The following RIMS2 variants were observed in gnomAD, a reference collection of about 807,000 sequenced individuals.
RIMS2 encodes regulating synaptic membrane exocytosis protein 2.
A neutral mutation model predicts 174.4 loss-of-function variants in RIMS2; 59 were observed. The ratio of observed to expected loss-of-function variants is 0.34; its 90% CI spans 0.27 to 0.42. The LOEUF (loss-of-function observed/expected upper bound fraction) is 0.42. Ranked by LOEUF, RIMS2 falls within the 10% of genes least tolerant of loss-of-function variation. The pLI, the probability that RIMS2 is intolerant of heterozygous loss-of-function variation, is 1.00. For missense variants in RIMS2, 1,620 were observed against 1,666.3 expected, an observed-to-expected ratio of 0.97 and a Z score of 0.48; for synonymous variants, 606 against 572.5, an observed-to-expected ratio of 1.06 and a Z score of -0.84.
chr8:104,026,359 A>C (rs2096257352), intron 19 of RIMS2, among the ~76,000 whole-genome samples: 1 of 152,208 alleles, frequency 6.6e-6, no homozygotes, highest in South Asian at 2.1e-4. Flanking sequence ...TAAAGTCTCA[A>C]ATAGTTTTGT....
intron 11 of RIMS2, among the ~76,000 whole-genome samples, chr8:103,930,444 A>G (rs2079684112): frequency 6.6e-6 from 1 of 152,124 alleles, no homozygotes; most frequent in African/African-American, 2.4e-5. Context: ...GATATGGATC[A>G]GAGCCGTAAT....
Position 103,851,965 on chromosome 8 carries a change from T to G in RIMS2, c.699-33333T>G, listed in dbSNP as rs146835925. 3.3e-3 allele frequency among the ~76,000 whole-genome samples: 499 copies of G among 152,108 alleles called. 1 individual carries two copies. The highest frequency in any genetic ancestry group is 0.011 in the African/African-American group (466 of 41,532). ...TGCATGTTTTTGTATCTCTCATGTG[T>G]AGATGCTGCAAATCGTACTCGGGCA... On this transcript the variant is annotated intron_variant, in intron 3 of 23. Transcript: ENST00000504942.
chr8:103,974,775 AGCTACTTGGGAG>A, intron 15 of RIMS2, among the ~76,000 whole-genome samples: 1 of 152,290 alleles, frequency 6.6e-6, no homozygotes, highest in Admixed American at 6.5e-5. Context: ...CTGTAGTCCC[AGCTACTTGGGAG>A]ACTGAGGTGG....
chr8:103,992,879 A>G (rs1034805515), intron 17 of RIMS2, among the ~76,000 whole-genome samples: 3 of 152,142 alleles, frequency 2.0e-5, no homozygotes, highest in Non-Finnish European at 4.4e-5. Flanking sequence ...TGTTTTTCTG[A>G]TAAGTCCTGG....
intron 1 of RIMS2, among the ~76,000 whole-genome samples, chr8:103,613,340 G>A (rs541009246): frequency 6.6e-5 from 10 of 151,796 alleles, no homozygotes; most frequent in South Asian, 2.1e-4. Flanking sequence ...AGCCCACTGA[G>A]GTGGTAGGGA....
At chr8:103,602,464 C>G (rs184350719) in intron 1 of RIMS2, among the ~76,000 whole-genome samples, 1 of 152,246 alleles carries the variant, frequency 6.6e-6, no homozygotes, top group East Asian at 1.9e-4. Context: ...TCCCACTCTT[C>G]ACCCTCAAAG....
At chr8:103,570,785 T>C (rs568548425) in intron 1 of RIMS2, among the ~76,000 whole-genome samples, 1 of 152,302 alleles carries the variant, frequency 6.6e-6, no homozygotes, top group Non-Finnish European at 1.5e-5. Flanking sequence ...CTCTGTTTTG[T>C]ATAGTGATTA....
At chr8:103,977,142 A>G (rs1171653020) in intron 16 of RIMS2, 1 of 152,198 alleles carries the variant, frequency 6.6e-6, no homozygotes, top group African/African-American at 2.4e-5. Flanking sequence ...AATGTCTAAG[A>G]CAGCTTTAGA....
intron 1 of RIMS2, among the ~76,000 whole-genome samples, chr8:103,677,676 T>C (rs1165056375): frequency 6.6e-6 from 1 of 152,154 alleles, no homozygotes; most frequent in Non-Finnish European, 1.5e-5. Flanking sequence ...TACCATGTGG[T>C]AAAATTAAAA....
intron 19 of RIMS2, among the ~76,000 whole-genome samples, chr8:104,130,755 G>A (rs1233654546): frequency 1.3e-5 from 2 of 152,108 alleles, no homozygotes. Context: ...CCCAGCTAGA[G>A]GGTGGAGATT....
intron 1 of RIMS2, among the ~76,000 whole-genome samples, chr8:103,586,594 C>A (rs2093933904): frequency 6.6e-6 from 1 of 151,988 alleles, no homozygotes; most frequent in African/African-American, 2.4e-5. Context: ...AATGCAGCAA[C>A]AGCAGTGCTA....
chr8:104,227,511 G>A (rs907929710), intron 19 of RIMS2, among the ~76,000 whole-genome samples: 1 of 152,076 alleles, frequency 6.6e-6, no homozygotes, highest in Non-Finnish European at 1.5e-5. Context: ...TCAAGCAAAT[G>A]TTACCATTCT....
At chr8:103,851,682 C>T (rs954951089) in intron 3 of RIMS2, among the ~76,000 whole-genome samples, 1 of 141,782 alleles carries the variant, frequency 7.1e-6, no homozygotes, top group African/African-American at 2.5e-5. Flanking sequence ...CACACACACA[C>T]ACACACACAC....
intron 2 of RIMS2, among the ~76,000 whole-genome samples, chr8:103,712,745 G>A (rs533951751): frequency 6.6e-6 from 1 of 152,280 alleles, no homozygotes; most frequent in Non-Finnish European, 1.5e-5. Context: ...TGGAAAGCAG[G>A]CAAGACATGT....
At chr8:103,627,497 G>T (rs992291845) in intron 1 of RIMS2, among the ~76,000 whole-genome samples, 1 of 152,202 alleles carries the variant, frequency 6.6e-6, no homozygotes, top group African/African-American at 2.4e-5. Context: ...AGTATTGATT[G>T]GGGAAGTGAT....
chr8:104,013,552 C>G, exon 18 of RIMS2: 1 of 1,613,828 alleles, frequency 6.2e-7, no homozygotes, highest in South Asian at 1.1e-5. Context: ...CGTCCTGATA[C>G]AAACCTCATG....
intron 1 of RIMS2, among the ~76,000 whole-genome samples, chr8:103,520,506 T>G (rs764851863): frequency 9.2e-5 from 14 of 152,138 alleles, no homozygotes; most frequent in Non-Finnish European, 1.2e-4. Context: ...GTTTAAACAT[T>G]TTAAAAAATA....
At chr8:103,798,025 C>T (rs186359000) in intron 3 of RIMS2, among the ~76,000 whole-genome samples, 2 of 152,114 alleles carry the variant, frequency 1.3e-5, no homozygotes, top group Non-Finnish European at 2.9e-5. Context: ...GCTTGTTAGA[C>T]CTATTGAAAA....
intron 3 of RIMS2, among the ~76,000 whole-genome samples, chr8:103,871,758 G>A (rs1013138360): frequency 4.0e-5 from 6 of 151,804 alleles, no homozygotes; most frequent in Non-Finnish European, 5.9e-5. Context: ...ATTTTTGGGT[G>A]TCTTTAAATT....
Sources: gnomAD v4.1 joint callset for allele counts (sites outside exome capture counted in the v4.1 genomes callset) on GRCh38, gnomAD v4.1.1 for gene constraint, MANE v1.5 for transcripts, NCBI Gene and HGNC (gene_info 2026-07-23, HGNC 2026-07-21) for gene names.